Variants in PARP8 observed in about 807,000 individuals in gnomAD.
PARP8 encodes protein mono-ADP-ribosyltransferase PARP8.
A neutral mutation model predicts 124.1 loss-of-function variants in PARP8; 51 were observed. That is an observed-to-expected ratio of 0.41 (90% CI 0.33 to 0.52). The LOEUF (loss-of-function observed/expected upper bound fraction) is 0.52, where lower values mean the gene tolerates loss of function less well. PARP8 is among the 20% of genes least tolerant of loss of function. The pLI, the probability that PARP8 is intolerant of heterozygous loss-of-function variation, is 0.21. For missense variants in PARP8, 860 were observed against 1,018.9 expected (o/e 0.84, Z 2.12); for synonymous variants, 391 against 361.5 (o/e 1.08, Z -0.93).
chr5:50,827,289 C>T (rs1746455764), intron 19 of PARP8, among the ~76,000 whole-genome samples: 1 of 152,070 alleles, frequency 6.6e-6, no homozygotes, highest in Admixed American at 6.6e-5. Context: ...ACCTAAAAAT[C>T]TCATTTTTGC....
In PARP8 at chr5:50,843,144, A is replaced by T. The variant is rs1486027881; in HGVS notation, c.*1076A>T. 2.0e-5 allele frequency: 3 copies of T among 151,774 alleles called. No homozygotes were observed. Among genetic ancestry groups the T allele is most frequent in the African/African-American group, 7.2e-5 (3 of 41,390 alleles). 9.4% of individuals were successfully genotyped at this position (151,774 alleles called of 1,614,324 possible). A position where few individuals can be genotyped will look rare whatever the true frequency, so the allele number is the denominator to read the frequency against. On this transcript the variant is annotated 3_prime_UTR_variant, in exon 26 of 26. Coordinates refer to ENST00000281631, the MANE Select transcript of PARP8 (RefSeq NM_024615.4). ...TAAAAGACCACAAATAAGTTTATAG[A>T]GAACAGTAACACCAGCTCTCAGCAT...
Position 50,815,536 on chromosome 5 carries a change from G to A in PARP8, c.1668+12G>A, listed in dbSNP as rs1231508819. 6.4e-7 allele frequency: 1 copy of A among 1,553,160 alleles called. No individual in the cohort carries two copies. The highest frequency in any genetic ancestry group is 8.7e-7 in the Non-Finnish European group (1 of 1,148,384). On this transcript the variant is annotated intron_variant, in intron 15 of 25. Transcript: ENST00000281631. ...CAACTGGAGCTCAGGTAGTAACACA[G>A]GATACTAATTATTTCTTATTTTGCT... is the stretch of plus-strand genomic sequence containing the variant.
chr5:50,694,918 G>GTTC (rs1752864858), intron 2 of PARP8, among the ~76,000 whole-genome samples: 1 of 152,178 alleles, frequency 6.6e-6, no homozygotes, highest in Non-Finnish European at 1.5e-5. Context: ...GGAGTGTAAT[G>GTTC]TTCTAGTCTG....
chr5:50,813,630 T>C (rs569548800), intron 14 of PARP8, among the ~76,000 whole-genome samples: 1 of 152,276 alleles, frequency 6.6e-6, no homozygotes, highest in African/African-American at 2.4e-5. Flanking sequence ...CAACACTATG[T>C]TAAATAGGAG....
intron 7 of PARP8, among the ~76,000 whole-genome samples, chr5:50,763,600 A>T (rs1760773749): frequency 6.6e-6 from 1 of 151,854 alleles, no homozygotes; most frequent in African/African-American, 2.4e-5. Flanking sequence ...ATGCCTACCC[A>T]CTGGTATCCA....
At chr5:50,750,266 G>T (rs568371123) in intron 3 of PARP8, 78 bp downstream of exon 3, 5 of 1,207,256 alleles carry the variant, frequency 4.1e-6, no homozygotes, top group South Asian at 3.7e-5. Flanking sequence ...GATGTAAAAC[G>T]CATATAAATA....
chr5:50,690,426 A>G (rs921259711), intron 2 of PARP8, among the ~76,000 whole-genome samples: 12 of 151,988 alleles, frequency 7.9e-5, no homozygotes, highest in Non-Finnish European at 1.5e-4. Flanking sequence ...TTAAAGTTCT[A>G]TTTTGCTGTG....
chr5:50,797,083 T>G, intron 13 of PARP8, 51 bp downstream of exon 13: 2 of 1,608,618 alleles, frequency 1.2e-6, no homozygotes, highest in Non-Finnish European at 1.7e-6. Flanking sequence ...TCTTACGGGG[T>G]TTTTAAATCA....
chr5:50,803,007 A>G (rs1743405427), intron 14 of PARP8, among the ~76,000 whole-genome samples: 2 of 152,174 alleles, frequency 1.3e-5, no homozygotes, highest in Non-Finnish European at 1.5e-5. Flanking sequence ...GCAAATGATG[A>G]ACTCTGTTGG....
intron 23 of PARP8, chr5:50,833,364 GA>G: frequency 4.5e-6 from 2 of 445,718 alleles, no homozygotes. Context: ...CTCTCTAGGA[GA>G]AAGAACATTC....
In PARP8 at chr5:50,794,347, A is replaced by G. The variant is rs750765007; in HGVS notation, c.863+15A>G. On this transcript the variant is annotated intron_variant, in intron 11 of 25. Transcript: ENST00000281631. ...ACTTTGCGCAGGTTGGTAACAGGCA[A>G]CTTCGTCATTGTCTTACTGAATGCT... The G allele has an allele frequency of 1.7e-5, 27 of 1,611,058 alleles. No homozygotes were observed. The highest frequency in any genetic ancestry group is 2.2e-5 in the Non-Finnish European group (26 of 1,178,318).
At chr5:50,712,192 A>C (rs772943926) in intron 2 of PARP8, among the ~76,000 whole-genome samples, 22 of 152,206 alleles carry the variant, frequency 1.4e-4, no homozygotes, top group Non-Finnish European at 2.9e-4. Context: ...TAAGAACAGC[A>C]TATGCTGACC....
chr5:50,753,016 A>G (rs1759428692), intron 3 of PARP8, among the ~76,000 whole-genome samples: 1 of 152,090 alleles, frequency 6.6e-6, no homozygotes, highest in African/African-American at 2.4e-5. Flanking sequence ...ATATAATAGC[A>G]TGTATATAAA....
chr5:50,772,493 C>A (rs1761725197), intron 7 of PARP8, among the ~76,000 whole-genome samples: 2 of 152,156 alleles, frequency 1.3e-5, no homozygotes, highest in South Asian at 4.1e-4. Flanking sequence ...TCCCTTTTCT[C>A]CACATCCACA....
intron 10 of PARP8, among the ~76,000 whole-genome samples, chr5:50,789,159 G>GT (rs1012953524): frequency 2.6e-5 from 4 of 151,968 alleles, no homozygotes; most frequent in African/African-American, 9.7e-5. Context: ...TGAAACATTG[G>GT]TTTTTTAACT....
At chr5:50,776,323 ATCAGG>A in intron 7 of PARP8, among the ~76,000 whole-genome samples, 1 of 152,306 alleles carries the variant, frequency 6.6e-6, no homozygotes, top group Admixed American at 6.5e-5. Context: ...CATCTGGTTC[ATCAGG>A]AATATTGGCT....
At chr5:50,806,556 G>T (rs1315470162) in intron 14 of PARP8, among the ~76,000 whole-genome samples, 1 of 151,884 alleles carries the variant, frequency 6.6e-6, no homozygotes, top group South Asian at 2.1e-4. Flanking sequence ...AAATAAATAC[G>T]GATGATTATC....
At chr5:50,739,676 G>T (rs1757825194) in intron 2 of PARP8, among the ~76,000 whole-genome samples, 2 of 145,018 alleles carry the variant, frequency 1.4e-5, no homozygotes, top group Admixed American at 6.9e-5. Flanking sequence ...TGTAAGGAAG[G>T]TTATTCAGAC....
chr5:50,739,415 T>G (rs1279435093), intron 2 of PARP8, among the ~76,000 whole-genome samples: 1 of 151,950 alleles, frequency 6.6e-6, no homozygotes, highest in Non-Finnish European at 1.5e-5. Context: ...GGGAGGGAGT[T>G]GAGAAATCAT....
Sources: gnomAD v4.1 joint callset for allele counts (sites outside exome capture counted in the v4.1 genomes callset) on GRCh38, gnomAD v4.1.1 for gene constraint, MANE v1.5 for transcripts, NCBI Gene and HGNC (gene_info 2026-07-23, HGNC 2026-07-21) for gene names.